The following RYR3 variants were observed in gnomAD, a reference collection of about 807,000 sequenced individuals.
RYR3 encodes ryanodine receptor 3, also known as brain ryanodine receptor-calcium release channel.
A neutral mutation model predicts 584.3 loss-of-function variants in RYR3; 207 were observed. The observed-to-expected ratio is 0.35, with a 90% confidence interval of 0.32 to 0.40. RYR3 has a LOEUF of 0.40. Among genes scored for constraint, RYR3 ranks in the 10% least tolerant of loss-of-function variants. RYR3 has a pLI of 1.00. For missense variants in RYR3, 5,616 were observed against 6,089.2 expected (o/e 0.92, Z 2.59); for synonymous variants, 2,416 against 2,248.5 (o/e 1.07, Z -2.11).
chr15:33,686,846 A>G (rs1159037662), intron 38 of RYR3, among the ~76,000 whole-genome samples: 2 of 152,264 alleles, frequency 1.3e-5, no homozygotes, highest in Non-Finnish European at 2.9e-5. Flanking sequence ...ATAGATGCAG[A>G]AAAGCCTTCG....
At chr15:33,336,445 AGAGAGAGAGAGAGAGAGAGAGAGAGAG>A (rs1971013731) in intron 1 of RYR3, among the ~76,000 whole-genome samples, 13 of 9,694 alleles carry the variant, frequency 1.3e-3, no homozygotes, top group African/African-American at 5.9e-3. Context: ...AAAGAAAGAG[AGAGAGAGAGAGAGAGAGAGAGAGAGAG>A]AGAGAGAGAG....
In RYR3 at chr15:33,528,401, C is replaced by A. The variant is rs535863308; in HGVS notation, c.280-2191C>A. On this transcript the variant is annotated intron_variant, in intron 3 of 103. Coordinates refer to ENST00000634891, the MANE Select transcript of RYR3 (RefSeq NM_001036.6). ...TTTGCCCACATGTGCTCCTCTCTTA[C>A]TATGGAGGTGTGTCAACAGTCCTAC... Among the ~76,000 whole-genome samples the A allele has an allele frequency of 7.2e-5, 11 of 152,304 alleles. No individual in the cohort carries two copies. In the South Asian group the frequency reaches 1.9e-3, roughly 26 times the overall value.
chr15:33,661,554 T>TG (rs1469652732), intron 34 of RYR3, among the ~76,000 whole-genome samples: 1 of 151,924 alleles, frequency 6.6e-6, no homozygotes, highest in Non-Finnish European at 1.5e-5. Context: ...TGGGTGAGGC[T>TG]GGGGGAGGGG....
Position 33,864,203 on chromosome 15 carries a change from AAT to A in RYR3, c.14517+15_14517+16del, listed in dbSNP as rs773468148. The A allele has an allele frequency of 1.2e-5, 20 of 1,600,084 alleles. No individual in the cohort carries two copies. The highest frequency in any genetic ancestry group is 1.6e-5 in the Non-Finnish European group (19 of 1,170,316). ...CACACGGGTCAGGTGAGAAATTAAG[AAT>A]CATATACCCGTGTTAGATCTCCCTT... On this transcript the variant is annotated intron_variant, in intron 103 of 103. Coordinates refer to ENST00000634891, the MANE Select transcript of RYR3 (RefSeq NM_001036.6).
At position 33,843,537 on chromosome 15, in the gene RYR3, T is replaced by C. The variant is rs371411997; in HGVS notation, c.13259T>C (p.Val4420Ala). Residue 4420 changes from valine (V) to alanine (A), a missense_variant, in exon 92 of 104, where the codon GTA becomes GCA. Physicochemically the swap from Val to Ala is moderately conservative, Grantham distance 64 (BLOSUM62 0). This residue lies in a region of RYR3 where 918 missense variants were observed against 887.4 expected (regional missense o/e 1.03). Transcript: ENST00000634891. The part of the protein sequence containing the change: ...FYNLRFLALF[V>A]AFAINFILLF... Reference sequence around the variant, plus strand: ...AACCTGAGGTTCCTTGCTCTGTTTGTAGCCTTCGCTATCAACTTCATCCTG... The same window carrying C: ...AACCTGAGGTTCCTTGCTCTGTTTGCAGCCTTCGCTATCAACTTCATCCTG... The C allele has an allele frequency of 6.9e-6, 11 of 1,601,740 alleles. No individual in the cohort carries two copies. The East Asian group carries it at 1.6e-4, about 23-fold the overall frequency.
At chr15:33,796,918 C>G (rs140989219) in intron 67 of RYR3, among the ~76,000 whole-genome samples, 17 of 152,278 alleles carry the variant, frequency 1.1e-4, no homozygotes, top group African/African-American at 4.1e-4. Flanking sequence ...CAGTGGAATA[C>G]TCTTTAGTGA....
Position 33,820,782 on chromosome 15 carries a change from A to AGAGGAT in RYR3, c.10787_10788insGGATGA (p.Glu3598_Asp3599dup). ...GTTGTCAAAGTGGTGAGGATGAAGA[A>AGAGGAT]GAAGATGAAGACAAGGAAAAAACAT... On this transcript the variant is annotated inframe_insertion, in exon 78 of 104. Transcript: ENST00000634891. 1 of 1,605,102 alleles carries AGAGGAT rather than the reference A, an allele frequency of 6.2e-7. No homozygotes were observed. The highest frequency in any genetic ancestry group is 1.3e-5 in the African/African-American group (1 of 74,896).
chr15:33,422,080 G>A (rs541335852), intron 1 of RYR3, among the ~76,000 whole-genome samples: 1 of 152,258 alleles, frequency 6.6e-6, no homozygotes, highest in South Asian at 2.1e-4. Context: ...TTCACATGGA[G>A]CACATTTTCA....
Position 33,789,624 on chromosome 15 carries a change from T to TATACATATATATATA in RYR3, c.9830+1166_9830+1167insATACATATATATATA, listed in dbSNP as rs2074972395. ...TATATGCATGTTACCAGGTTTTATT[T>TATACATATATATATA]TATATATATATATATATATATATAT... On this transcript the variant is annotated intron_variant, in intron 67 of 103. Transcript: ENST00000634891. Among the ~76,000 whole-genome samples the TATACATATATATATA allele has an allele frequency of 1.7e-4, 2 of 11,694 alleles. 1 individual carries two copies. Among genetic ancestry groups the TATACATATATATATA allele is most frequent in the Non-Finnish European group, 3.5e-4 (2 of 5,786 alleles). 7.7% of individuals were successfully genotyped at this position (11,694 alleles called of 152,430 possible). A position where few individuals can be genotyped will look rare whatever the true frequency, so the allele number is the denominator to read the frequency against.
Position 33,372,730 on chromosome 15 carries a change from T to A in RYR3, c.51+61634T>A, listed in dbSNP as rs578062408. ...CATGTTGCCCAGGCTGGTCTCGAAC[T>A]CCTGAGCTCAGGCAATCCACCCACC... On this transcript the variant is annotated intron_variant, in intron 1 of 103. Transcript: ENST00000634891. Among the ~76,000 whole-genome samples the A allele has an allele frequency of 1.4e-4, 22 of 152,230 alleles. No individual in the cohort carries two copies. The South Asian group carries it at 4.6e-3, about 32-fold the overall frequency.
chr15:33,646,586 T>C, intron 29 of RYR3, 60 bp downstream of exon 29: 1 of 1,474,914 alleles, frequency 6.8e-7, no homozygotes, highest in Admixed American at 2.1e-5. Flanking sequence ...AAGTGGGCTT[T>C]CTGCTTTTTA....
intron 43 of RYR3, among the ~76,000 whole-genome samples, chr15:33,712,497 A>T (rs1887899769): frequency 6.6e-6 from 1 of 152,190 alleles, no homozygotes; most frequent in Non-Finnish European, 1.5e-5. Flanking sequence ...GGGTCACATT[A>T]TATTGATTTT....
intron 1 of RYR3, among the ~76,000 whole-genome samples, chr15:33,446,201 C>A (rs919203388): frequency 2.0e-5 from 3 of 152,170 alleles, no homozygotes; most frequent in African/African-American, 7.2e-5. Flanking sequence ...GATTCTCTTG[C>A]TCAAATTAGT....
chr15:33,854,553 C>A, intron 97 of RYR3, 104 bp downstream of exon 97: 1 of 1,113,656 alleles, frequency 9.0e-7, no homozygotes, highest in Non-Finnish European at 1.3e-6. Flanking sequence ...GATTGCTTAT[C>A]AAAGACCAAG....
chr15:33,378,660 G>A (rs961212263), intron 1 of RYR3, among the ~76,000 whole-genome samples: 1 of 152,216 alleles, frequency 6.6e-6, no homozygotes, highest in Non-Finnish European at 1.5e-5. Context: ...AGGACAGAAA[G>A]CAGATTGAAA....
chr15:33,506,350 T>C (rs145798254), intron 3 of RYR3, among the ~76,000 whole-genome samples: 406 of 152,338 alleles, frequency 2.7e-3, no homozygotes, highest in African/African-American at 9.1e-3. Flanking sequence ...TTAAATCTTA[T>C]TTGAATAATC....
At chr15:33,601,630 C>G in intron 17 of RYR3, 78 bp downstream of exon 17, 2 of 1,506,806 alleles carry the variant, frequency 1.3e-6, no homozygotes, top group South Asian at 1.2e-5. Flanking sequence ...GAGGGCTCAT[C>G]TGAACTCCAA....
rs572663247 is a variant in RYR3 at position 33,563,270 on chromosome 15, G to A, written c.1146+260G>A. 2.0e-4 allele frequency among the ~76,000 whole-genome samples: 31 copies of A among 152,324 alleles called. No individual in the cohort carries two copies. The South Asian group carries it at 6.4e-3, about 32-fold the overall frequency. On this transcript the variant is annotated intron_variant, in intron 11 of 103. Coordinates refer to ENST00000634891, the MANE Select transcript of RYR3 (RefSeq NM_001036.6). ...GGTGATGTATTTAATGTACTCTAAAGCCTGATCTAAATGACTTTTGGTGAT... is the reference window on the plus strand; with the variant it reads ...GGTGATGTATTTAATGTACTCTAAAACCTGATCTAAATGACTTTTGGTGAT...
At chr15:33,771,532 C>A (rs1298814903) in intron 62 of RYR3, among the ~76,000 whole-genome samples, 5 of 148,050 alleles carry the variant, frequency 3.4e-5, no homozygotes, top group South Asian at 2.1e-4. Context: ...GACGCTGTCT[C>A]AAAAAAAAAA....
Sources: allele counts gnomAD v4.1 joint callset (sites outside exome capture counted in the v4.1 genomes callset), GRCh38; gene constraint gnomAD v4.1.1; regional missense constraint gnomAD v4.1.1; transcripts MANE v1.5; gene names NCBI Gene and HGNC (gene_info 2026-07-23, HGNC 2026-07-21).